VPS41: variants seen among roughly 807,000 people sequenced by gnomAD.
The protein encoded by VPS41 is VPS41 subunit of HOPS complex, also known as vacuolar protein sorting-associated protein 41 homolog.
A neutral mutation model predicts 130.9 loss-of-function variants in VPS41; 85 were observed. The observed-to-expected ratio is 0.65, with a 90% CI of 0.55 to 0.78. The LOEUF (loss-of-function observed/expected upper bound fraction) is 0.78. Among genes scored for constraint, VPS41 ranks in the 30% least tolerant of loss-of-function variants. VPS41 has a pLI of 0.00. For missense variants in VPS41, 874 were observed against 1,018.7 expected (o/e 0.86, Z 1.93); for synonymous variants, 335 against 332.9 (o/e 1.01, Z -0.07).
chr7:38,733,869 A>C (rs892720708), intron 25 of VPS41, among the ~76,000 whole-genome samples: 3 of 152,180 alleles, frequency 2.0e-5, no homozygotes, highest in Non-Finnish European at 4.4e-5. Context: ...TCTTGAGCCC[A>C]GGAGTTCAAG....
intron 9 of VPS41, among the ~76,000 whole-genome samples, chr7:38,792,162 C>T (rs999820933): frequency 2.6e-5 from 4 of 152,166 alleles, no homozygotes; most frequent in Non-Finnish European, 4.4e-5. Flanking sequence ...GTGGTCTGGG[C>T]TCACCCAGCA....
intron 14 of VPS41, among the ~76,000 whole-genome samples, chr7:38,769,521 A>G (rs1784114791): frequency 6.6e-6 from 1 of 152,084 alleles, no homozygotes; most frequent in South Asian, 2.1e-4. Context: ...CAGATTCCTA[A>G]AACTAATGTG....
At chr7:38,862,941 C>T (rs1262584265) in intron 3 of VPS41, among the ~76,000 whole-genome samples, 2 of 152,158 alleles carry the variant, frequency 1.3e-5, no homozygotes, top group Non-Finnish European at 2.9e-5. Context: ...GGTGAAAACA[C>T]GACCAACCTA....
chr7:38,753,768 C>G (rs1382344962), intron 21 of VPS41, among the ~76,000 whole-genome samples: 1 of 152,120 alleles, frequency 6.6e-6, no homozygotes, highest in African/African-American at 2.4e-5. Flanking sequence ...AGCAGATAAT[C>G]TTGAGATTTC....
At chr7:38,805,217 T>G (rs1562593005) in intron 7 of VPS41, among the ~76,000 whole-genome samples, 1 of 152,206 alleles carries the variant, frequency 6.6e-6, no homozygotes. Flanking sequence ...GGTTTATGTA[T>G]TTGAACAAGC....
At chr7:38,734,918 G>T (rs1795733921) in intron 25 of VPS41, among the ~76,000 whole-genome samples, 1 of 152,106 alleles carries the variant, frequency 6.6e-6, no homozygotes, top group South Asian at 2.1e-4. Context: ...AATGCTATGG[G>T]ACTTGAATTC....
chr7:38,805,974 T>C (rs1784832800), intron 7 of VPS41, among the ~76,000 whole-genome samples: 2 of 152,206 alleles, frequency 1.3e-5, no homozygotes, highest in South Asian at 4.1e-4. Context: ...GCTTCTATGG[T>C]AATATTAAAA....
At chr7:38,870,209 G>A (rs1424909520) in intron 2 of VPS41, among the ~76,000 whole-genome samples, 3 of 152,142 alleles carry the variant, frequency 2.0e-5, no homozygotes, top group Non-Finnish European at 2.9e-5. Flanking sequence ...AGATATCAGT[G>A]GAAGAGAGGC....
chr7:38,871,727 T>C (rs981514986), intron 2 of VPS41, among the ~76,000 whole-genome samples: 1 of 152,248 alleles, frequency 6.6e-6, no homozygotes, highest in Non-Finnish European at 1.5e-5. Context: ...ATAAACTGTG[T>C]GATCATTAGA....
At chr7:38,739,656 C>T (rs991103266) in intron 25 of VPS41, among the ~76,000 whole-genome samples, 1 of 152,186 alleles carries the variant, frequency 6.6e-6, no homozygotes, top group Admixed American at 6.5e-5. Flanking sequence ...CAACAAGATG[C>T]CTGAGCTCCA....
intron 10 of VPS41, among the ~76,000 whole-genome samples, chr7:38,780,771 G>T (rs1784342011): frequency 6.6e-6 from 1 of 152,188 alleles, no homozygotes; most frequent in African/African-American, 2.4e-5. Context: ...CCCAGTGTTG[G>T]ACGAGGGGCC....
At chr7:38,844,707 T>A (rs73123621) in intron 4 of VPS41, among the ~76,000 whole-genome samples, 1 of 152,136 alleles carries the variant, frequency 6.6e-6, no homozygotes. Context: ...CATTAAAATA[T>A]CCCTTCTTTT....
chr7:38,777,354 T>C (rs1784277742), intron 10 of VPS41, among the ~76,000 whole-genome samples: 2 of 99,332 alleles, frequency 2.0e-5, no homozygotes, highest in South Asian at 7.8e-4. Flanking sequence ...AGAAAAATAA[T>C]AAATTTCTCT....
At chr7:38,797,064 T>TA in intron 7 of VPS41, 200 bp from the exon 8 acceptor site, 1 of 587,288 alleles carries the variant, frequency 1.7e-6, no homozygotes, top group South Asian at 2.3e-5. Context: ...GGAAGTTGTT[T>TA]AAAATGGATG....
chr7:38,885,872 T>A (rs1786717216), intron 2 of VPS41, among the ~76,000 whole-genome samples: 1 of 151,872 alleles, frequency 6.6e-6, no homozygotes, highest in Non-Finnish European at 1.5e-5. Context: ...ATTTTAGAAC[T>A]AGAAAATACA....
intron 25 of VPS41, among the ~76,000 whole-genome samples, chr7:38,740,613 TCTA>T (rs1584366772): frequency 1.3e-5 from 2 of 152,294 alleles, no homozygotes; most frequent in East Asian, 3.9e-4. Flanking sequence ...GAACAGGTAA[TCTA>T]CTTCTTTGGC....
intron 3 of VPS41, among the ~76,000 whole-genome samples, chr7:38,864,925 A>T (rs539014092): frequency 6.6e-6 from 1 of 152,214 alleles, no homozygotes; most frequent in East Asian, 1.9e-4. Flanking sequence ...CTTAAACTTC[A>T]TGTAAGTAAC....
chr7:38,743,522 T>G lies in VPS41; in HGVS notation c.2002A>C (p.Ser668Arg). ...TCCTCCATAATCATCTTCAGGGCAC[T>G]TCGGCTATTACCCATTCGGCCTTGG... The part of the protein sequence containing the change: ...YLLSRMGNSR[S>R]ALKMIMEELH... Residue 668 changes from serine (S) to arginine (R), a missense_variant, in exon 24 of 29, where the codon AGT becomes CGT. Physicochemically the swap from Ser to Arg is moderately radical, Grantham distance 110 (BLOSUM62 -1). Transcript: ENST00000310301. 1 of 1,613,894 alleles carries G rather than the reference T, an allele frequency of 6.2e-7. No homozygotes were observed. Among genetic ancestry groups the G allele is most frequent in the Non-Finnish European group, 8.5e-7 (1 of 1,179,832 alleles).
intron 3 of VPS41, among the ~76,000 whole-genome samples, chr7:38,866,022 C>G (rs982095106): frequency 6.6e-6 from 1 of 152,166 alleles, no homozygotes; most frequent in Non-Finnish European, 1.5e-5. Context: ...GGAAAATAGA[C>G]AAGTTCACAG....
Sources: allele counts gnomAD v4.1 joint callset (sites outside exome capture counted in the v4.1 genomes callset), GRCh38; gene constraint gnomAD v4.1.1; transcripts MANE v1.5; gene names NCBI Gene and HGNC (gene_info 2026-07-23, HGNC 2026-07-21).